The following CTNND2 variants were observed in gnomAD, a reference collection of about 807,000 sequenced individuals.
The protein encoded by CTNND2 is catenin delta 2.
A neutral mutation model predicts 144.4 loss-of-function variants in CTNND2; 22 were observed. That is an observed-to-expected ratio of 0.15 (90% CI 0.11 to 0.22). The LOEUF is 0.22. Among genes scored for constraint, CTNND2 ranks in the 10% least tolerant of loss-of-function variants. CTNND2 has a pLI of 1.00. For synonymous variants in CTNND2, 751 were observed against 695.6 expected (o/e 1.08, Z -1.25); for missense variants, 1,353 against 1,618.8 (o/e 0.84, Z 2.82).
At chr5:11,229,532 AT>A (rs1230693247) in intron 10 of CTNND2, among the ~76,000 whole-genome samples, 1 of 152,126 alleles carries the variant, frequency 6.6e-6, no homozygotes, top group African/African-American at 2.4e-5. Flanking sequence ...CTAAAAATAA[AT>A]AAATCAATAG....
chr5:11,005,913 T>G (rs1392219011), intron 18 of CTNND2, among the ~76,000 whole-genome samples: 1 of 152,150 alleles, frequency 6.6e-6, no homozygotes. Context: ...TGTATACCTA[T>G]GTAACAAACC....
chr5:11,246,124 T>C (rs1014971451), intron 9 of CTNND2, among the ~76,000 whole-genome samples: 1 of 152,218 alleles, frequency 6.6e-6, no homozygotes, highest in Non-Finnish European at 1.5e-5. Context: ...GAATACAGTG[T>C]TGAATGGAGC....
chr5:11,176,372 A>G (rs1284123615), intron 11 of CTNND2, among the ~76,000 whole-genome samples: 1 of 152,160 alleles, frequency 6.6e-6, no homozygotes, highest in Non-Finnish European at 1.5e-5. Flanking sequence ...CACAAGGTGT[A>G]AAAAGGCTTT....
At chr5:11,054,355 G>T (rs935224307) in intron 16 of CTNND2, among the ~76,000 whole-genome samples, 7 of 152,186 alleles carry the variant, frequency 4.6e-5, no homozygotes, top group Admixed American at 2.6e-4. Flanking sequence ...GAGACAGAAA[G>T]TAACTTGCCC....
chr5:11,431,107 T>C (rs1763249640), intron 3 of CTNND2, among the ~76,000 whole-genome samples: 1 of 152,232 alleles, frequency 6.6e-6, no homozygotes, highest in Non-Finnish European at 1.5e-5. Flanking sequence ...ACTGAGGTTA[T>C]ATCATTTAGT....
At position 11,449,519 on chromosome 5, in the gene CTNND2, C is replaced by T. The variant is rs192170621; in HGVS notation, c.288-37450G>A. On this transcript the variant is annotated intron_variant, in intron 3 of 21. Transcript: ENST00000304623. Reference sequence around the variant, plus strand: ...CGCTTAGCAGGTGGTCCTATAAACACTGGCAGCCATCTGAGGATCACAGGG... The same window carrying T: ...CGCTTAGCAGGTGGTCCTATAAACATTGGCAGCCATCTGAGGATCACAGGG... Among the ~76,000 whole-genome samples, 23 of 152,312 alleles carry T rather than the reference C, an allele frequency of 1.5e-4. No individual in the cohort carries two copies. In the East Asian group the frequency reaches 4.1e-3, roughly 27 times the overall value.
chr5:10,985,978 A>T (rs1420160521), intron 20 of CTNND2, among the ~76,000 whole-genome samples: 2 of 152,180 alleles, frequency 1.3e-5, no homozygotes, highest in Admixed American at 6.5e-5. Context: ...TTGTGATAAT[A>T]ACAATCGGCG....
chr5:10,991,522 A>G (rs1738680369), intron 19 of CTNND2, among the ~76,000 whole-genome samples: 1 of 152,206 alleles, frequency 6.6e-6, no homozygotes, highest in Non-Finnish European at 1.5e-5. Context: ...GAAAACAGCA[A>G]ATTTATGCCA....
chr5:11,215,202 T>C (rs17188319), intron 10 of CTNND2, among the ~76,000 whole-genome samples: 9,581 of 152,256 alleles, frequency 0.063, 426 homozygotes, highest in Admixed American at 0.11. Flanking sequence ...AGATTCACAC[T>C]TGGGAACAAG....
intron 2 of CTNND2, among the ~76,000 whole-genome samples, chr5:11,602,705 ATATAT>A (rs200424336): frequency 0.046 from 6,653 of 145,910 alleles, 500 homozygotes; most frequent in African/African-American, 0.16. Context: ...TATATATTTC[ATATAT>A]TATATTATAT....
intron 1 of CTNND2, among the ~76,000 whole-genome samples, chr5:11,862,123 CTTCT>C (rs540616230): frequency 9.9e-5 from 15 of 152,254 alleles, no homozygotes; most frequent in Admixed American, 2.6e-4. Flanking sequence ...GAAATTAAGA[CTTCT>C]TTCAACTACT....
intron 1 of CTNND2, among the ~76,000 whole-genome samples, chr5:11,733,394 G>A (rs1276480645): frequency 1.1e-4 from 17 of 152,112 alleles, no homozygotes; most frequent in Non-Finnish European, 1.2e-4. Context: ...CTGTTGCTTG[G>A]CGTGTATGGG....
chr5:11,597,042 CGG>C (rs1779541976), intron 2 of CTNND2, among the ~76,000 whole-genome samples: 1 of 152,106 alleles, frequency 6.6e-6, no homozygotes, highest in Admixed American at 6.6e-5. Flanking sequence ...ACAAGTCCAG[CGG>C]AATCTCTGAC....
chr5:11,584,692 CAA>C lies in CTNND2; in HGVS notation c.175-19638_175-19637del, dbSNP rs1346952548. Among the ~76,000 whole-genome samples the C allele has an allele frequency of 2.0e-5, 3 of 152,028 alleles. No individual in the cohort carries two copies. The East Asian group carries it at 5.8e-4, about 29-fold the overall frequency. On this transcript the variant is annotated intron_variant, in intron 2 of 21. Coordinates refer to ENST00000304623, the MANE Select transcript of CTNND2 (RefSeq NM_001332.4). ...AGCACGTAATTTGATTCAAAAATAA[CAA>C]AAATGCACCCACTTTTGCTCTGTTT...
At chr5:11,761,106 C>G (rs959154275) in intron 1 of CTNND2, among the ~76,000 whole-genome samples, 1 of 152,092 alleles carries the variant, frequency 6.6e-6, no homozygotes, top group Non-Finnish European at 1.5e-5. Context: ...AAGACGATAC[C>G]GAGTGTTGAA....
chr5:11,118,354 AC>A (rs2149695959), intron 12 of CTNND2, among the ~76,000 whole-genome samples: 1 of 152,358 alleles, frequency 6.6e-6, no homozygotes, highest in African/African-American at 2.4e-5. Context: ...CTTACTACAG[AC>A]AACACAACCT....
chr5:10,988,683 C>T lies in CTNND2; in HGVS notation c.3212-441G>A, dbSNP rs1243135983. Among the ~76,000 whole-genome samples the T allele has an allele frequency of 2.0e-5, 3 of 152,016 alleles. No individual in the cohort carries two copies. Among genetic ancestry groups the T allele is most frequent in the Non-Finnish European group, 2.9e-5 (2 of 68,022 alleles). ...GATCTATTACTGATATTGACTAATCCTTGATTAAAATAAATGCAGTTTTAC... is the reference window on the plus strand; with the variant it reads ...GATCTATTACTGATATTGACTAATCTTTGATTAAAATAAATGCAGTTTTAC... On this transcript the variant is annotated intron_variant, in intron 19 of 21. Coordinates refer to ENST00000304623, the MANE Select transcript of CTNND2 (RefSeq NM_001332.4). The surrounding 1 kb of genome is among the most constrained non-coding windows in gnomAD (Gnocchi z 5.9).
intron 1 of CTNND2, among the ~76,000 whole-genome samples, chr5:11,855,084 T>C (rs1366765400): frequency 1.3e-5 from 2 of 152,182 alleles, no homozygotes; most frequent in Admixed American, 6.5e-5. Flanking sequence ...GAGCGACGGT[T>C]ACTTGGGTTT....
chr5:11,767,134 C>T (rs971886528), intron 1 of CTNND2, among the ~76,000 whole-genome samples: 1 of 152,192 alleles, frequency 6.6e-6, no homozygotes, highest in Non-Finnish European at 1.5e-5. Context: ...TTTCCCTGGA[C>T]CTAATGAATC....
Sources: allele counts gnomAD v4.1 joint callset (sites outside exome capture counted in the v4.1 genomes callset), GRCh38; gene constraint gnomAD v4.1.1; non-coding constraint Gnocchi (gnomAD v3.1); transcripts MANE v1.5; gene names NCBI Gene and HGNC (gene_info 2026-07-23, HGNC 2026-07-21).